The following MAST4 variants were observed in gnomAD, a reference collection of about 807,000 sequenced individuals.
MAST4 encodes microtubule associated serine/threonine kinase family member 4, also known as microtubule-associated serine/threonine-protein kinase 4.
MAST4 carries 89 observed loss-of-function variants against 162.7 expected under a neutral mutation model. The observed-to-expected ratio is 0.55, with a 90% CI of 0.46 to 0.65. MAST4 has a LOEUF of 0.65. Ranked by LOEUF, MAST4 falls within the 30% of genes least tolerant of loss-of-function variation. The probability of loss-of-function intolerance (pLI) is 0.00; values close to 1 mark genes in which losing one functional copy is unlikely to be tolerated. For synonymous variants in MAST4, 1,479 were observed against 1,361.1 expected (o/e 1.09, Z -1.91); for missense variants, 3,153 against 3,374.0 (o/e 0.93, Z 1.62).
At chr5:66,964,002 G>T (rs766120472) in intron 4 of MAST4, 1 of 688,228 alleles carries the variant, frequency 1.5e-6, no homozygotes, top group South Asian at 1.5e-5. Flanking sequence ...TGTTCAATGT[G>T]TGTGTATATG....
chr5:66,967,763 A>AATAT (rs147713350), intron 4 of MAST4, among the ~76,000 whole-genome samples: 13 of 147,930 alleles, frequency 8.8e-5, no homozygotes, highest in South Asian at 6.4e-4. Context: ...CTACAAACTA[A>AATAT]ATATATATAT....
intron 4 of MAST4, among the ~76,000 whole-genome samples, chr5:66,932,988 C>T (rs1280671191): frequency 6.6e-6 from 1 of 152,084 alleles, no homozygotes; most frequent in African/African-American, 2.4e-5. Context: ...CTAATCTCCT[C>T]ATAGTTATAG....
intron 23 of MAST4, among the ~76,000 whole-genome samples, chr5:67,149,095 G>A (rs1771460372): frequency 6.6e-6 from 1 of 152,106 alleles, no homozygotes; most frequent in Non-Finnish European, 1.5e-5. Flanking sequence ...AATATAGATT[G>A]TTGAAAGAAA....
intron 4 of MAST4, among the ~76,000 whole-genome samples, chr5:66,933,950 C>G (rs1742445042): frequency 6.6e-6 from 1 of 152,054 alleles, no homozygotes; most frequent in Non-Finnish European, 1.5e-5. Flanking sequence ...CCTCAGCCTC[C>G]TGAGTAGCTG....
At chr5:67,104,336 C>G in intron 9 of MAST4, 30 bp from the exon 10 acceptor site, 1 of 1,511,506 alleles carries the variant, frequency 6.6e-7, no homozygotes, top group Non-Finnish European at 9.2e-7. Context: ...CCTCGTATTA[C>G]ATCTGTGTAT....
chr5:67,060,918 G>A (rs569917572), intron 5 of MAST4, among the ~76,000 whole-genome samples: 26 of 152,160 alleles, frequency 1.7e-4, no homozygotes, highest in Non-Finnish European at 3.2e-4. Flanking sequence ...TTACTAATAG[G>A]CGTGTGACTG....
At chr5:66,765,444 A>C (rs1244544603) in intron 2 of MAST4, among the ~76,000 whole-genome samples, 2 of 152,166 alleles carry the variant, frequency 1.3e-5, no homozygotes, top group African/African-American at 4.8e-5. Context: ...ATATTCTATA[A>C]ATAATTGCTG....
At chr5:67,128,797 C>A (rs1768565515) in intron 14 of MAST4, among the ~76,000 whole-genome samples, 2 of 152,244 alleles carry the variant, frequency 1.3e-5, no homozygotes, top group South Asian at 2.1e-4. Context: ...AGATCACATA[C>A]CCCCTGTTTT....
chr5:66,895,476 A>G (rs1762625566), intron 3 of MAST4, among the ~76,000 whole-genome samples: 3 of 152,212 alleles, frequency 2.0e-5, no homozygotes, highest in Non-Finnish European at 2.9e-5. Context: ...TCTACTTGGA[A>G]TTCTTACAGA....
At chr5:66,709,351 T>C (rs917254473) in intron 1 of MAST4, among the ~76,000 whole-genome samples, 2 of 152,230 alleles carry the variant, frequency 1.3e-5, no homozygotes, top group Non-Finnish European at 2.9e-5. Context: ...GATCTTGCTC[T>C]GTTGCCCAGG....
chr5:66,865,621 AAATT>A (rs1760456234), intron 3 of MAST4, among the ~76,000 whole-genome samples: 1 of 152,186 alleles, frequency 6.6e-6, no homozygotes, highest in South Asian at 2.1e-4. Context: ...GATATGGAAA[AAATT>A]AATAAATGAC....
At chr5:67,124,248 G>A (rs941522021) in intron 14 of MAST4, among the ~76,000 whole-genome samples, 1 of 152,178 alleles carries the variant, frequency 6.6e-6, no homozygotes, top group African/African-American at 2.4e-5. Context: ...TAGGAAGAGA[G>A]GCAGAAGCAG....
chr5:66,732,122 T>G (rs892537574), intron 1 of MAST4, among the ~76,000 whole-genome samples: 1 of 151,994 alleles, frequency 6.6e-6, no homozygotes, highest in African/African-American at 2.4e-5. Flanking sequence ...TGTGTGGTCT[T>G]TCTGAAGCAT....
At chr5:67,100,949 G>A (rs1327135551) in intron 8 of MAST4, among the ~76,000 whole-genome samples, 2 of 152,142 alleles carry the variant, frequency 1.3e-5, no homozygotes, top group Admixed American at 1.3e-4. Context: ...AAGAATAGGA[G>A]GATTTTTTAA....
At chr5:67,124,535 G>T (rs1392439722) in intron 14 of MAST4, among the ~76,000 whole-genome samples, 1 of 151,964 alleles carries the variant, frequency 6.6e-6, no homozygotes, top group Non-Finnish European at 1.5e-5. Context: ...AACATGACGA[G>T]TAATATGCCC....
intron 3 of MAST4, among the ~76,000 whole-genome samples, chr5:66,847,277 C>T (rs998222201): frequency 1.3e-5 from 2 of 152,136 alleles, no homozygotes; most frequent in Non-Finnish European, 2.9e-5. Flanking sequence ...AATTTCTGTC[C>T]CATTACTGGG....
chr5:67,053,369 G>T (rs921540710), intron 4 of MAST4, among the ~76,000 whole-genome samples: 1 of 152,148 alleles, frequency 6.6e-6, no homozygotes, highest in Non-Finnish European at 1.5e-5. Flanking sequence ...TCAGGAATCT[G>T]GTATAACAGA....
chr5:66,619,631 A>G (rs1015526512), intron 1 of MAST4, among the ~76,000 whole-genome samples: 2 of 152,122 alleles, frequency 1.3e-5, no homozygotes, highest in African/African-American at 4.8e-5. Flanking sequence ...TGACTAAGAT[A>G]TTTCTATGCA....
intron 1 of MAST4, among the ~76,000 whole-genome samples, chr5:66,739,312 T>C (rs1390569528): frequency 6.6e-6 from 1 of 152,196 alleles, no homozygotes; most frequent in East Asian, 1.9e-4. Context: ...TTTCTTCGGT[T>C]GTGGGGGCAG....
Sources: gnomAD v4.1 joint callset for allele counts (sites outside exome capture counted in the v4.1 genomes callset) on GRCh38, gnomAD v4.1.1 for gene constraint, MANE v1.5 for transcripts, NCBI Gene and HGNC (gene_info 2026-07-23, HGNC 2026-07-21) for gene names.